BIRC6: variants seen among roughly 807,000 people sequenced by gnomAD.
BIRC6 encodes dual E2 ubiquitin-conjugating enzyme/E3 ubiquitin-protein ligase BIRC6.
BIRC6 carries 98 observed loss-of-function variants against 503.3 expected under a neutral mutation model. The observed-to-expected ratio is 0.19, with a 90% CI of 0.17 to 0.23. The LOEUF is 0.23. Among genes scored for constraint, BIRC6 ranks in the 10% least tolerant of loss-of-function variants. BIRC6 has a pLI of 1.00. For missense variants in BIRC6, 5,360 were observed against 5,806.0 expected (o/e 0.92, Z 2.50); for synonymous variants, 2,240 against 2,078.7 (o/e 1.08, Z -2.11).
intron 57 of BIRC6, among the ~76,000 whole-genome samples, chr2:32,521,365 CA>C (rs35410265): frequency 0.048 from 1,031 of 21,384 alleles, no homozygotes; most frequent in African/African-American, 0.11. Context: ...GACCTCATCT[CA>C]AAAAAAAAAA....
At chr2:32,426,258 C>G (rs759068044) in intron 10 of BIRC6, among the ~76,000 whole-genome samples, 1 of 152,164 alleles carries the variant, frequency 6.6e-6, no homozygotes, top group Non-Finnish European at 1.5e-5. Context: ...TATGTAGGAA[C>G]TTTGCTCTTG....
rs1418644461 is a variant in BIRC6 at position 32,505,148 on chromosome 2, C to G, written c.9643C>G (p.Pro3215Ala). Residue 3215 changes from proline to alanine, a missense_variant, in exon 50 of 74, where the codon CCT becomes GCT. By Grantham distance (27) the Pro-to-Ala change is conservative (BLOSUM62 -1). This residue lies in a region of BIRC6 where 267 missense variants were observed against 287.6 expected (regional missense o/e 0.93). Coordinates refer to ENST00000421745, the MANE Select transcript of BIRC6 (RefSeq NM_016252.4). The part of the protein sequence containing the change: ...EAWCDLTIHL[P>A]AAVLLKEIHI... ...TTGGTGTGACCTTACCATTCACCTT[C>G]CTGCAGCAGTGCTGCTTAAGGAGAT... The G allele has an allele frequency of 6.3e-7, 1 of 1,599,958 alleles. No homozygotes were observed. The highest frequency in any genetic ancestry group is 2.3e-5 in the East Asian group (1 of 44,330).
Position 32,419,621 on chromosome 2 carries a change from C to CA in BIRC6, c.2872+3464dup, listed in dbSNP as rs1385776762. On this transcript the variant is annotated intron_variant, in intron 10 of 73. Coordinates refer to ENST00000421745, the MANE Select transcript of BIRC6 (RefSeq NM_016252.4). ...GATAGGGTGCAGTTATGATACTTGA[C>CA]AAAAAATGCTTAAAAAATAAAGTTT... 3.3e-5 allele frequency among the ~76,000 whole-genome samples: 5 copies of CA among 151,848 alleles called. No homozygotes were observed. The South Asian group carries it at 1.0e-3, about 32-fold the overall frequency.
chr2:32,574,802 G>T, intron 65 of BIRC6: 2 of 305,962 alleles, frequency 6.5e-6, no homozygotes, highest in Non-Finnish European at 1.3e-5. Context: ...AGGCTGGAGT[G>T]CAATGGCATG....
Position 32,471,031 on chromosome 2 carries a change from A to G in BIRC6, c.6499A>G (p.Met2167Val), listed in dbSNP as rs747777790. Reference protein sequence around the residue: ...RRTEGVLDIPMISWVVMLVSR... With the variant: ...RRTEGVLDIPVISWVVMLVSR... ...CTCTCCAGGAGTACTAGATATTCCC[A>G]TGATCAGTTGGGTTGTTATGCTGGT... The change falls in exon 32 of 74, where the codon ATG becomes GTG. Residue 2167 changes from methionine (M) to valine (V), a missense_variant. Physicochemically the swap from Met to Val is conservative, Grantham distance 21. Around this residue, in one of 16 missense-constraint regions of BIRC6, gnomAD observed 2,299 missense variants for 2,267.2 expected, o/e 1.01. Coordinates refer to ENST00000421745, the MANE Select transcript of BIRC6 (RefSeq NM_016252.4). 3 of 1,574,558 alleles carry G rather than the reference A, an allele frequency of 1.9e-6. No individual in the cohort carries two copies. Among genetic ancestry groups the G allele is most frequent in the South Asian group, 2.3e-5 (2 of 85,806 alleles).
chr2:32,470,654 A>T (rs935247305), intron 31 of BIRC6, among the ~76,000 whole-genome samples: 7 of 152,130 alleles, frequency 4.6e-5, no homozygotes, highest in Non-Finnish European at 1.0e-4. Flanking sequence ...AAACATTAGA[A>T]CCTAGTTTAG....
At position 32,415,465 on chromosome 2, in the gene BIRC6, T is replaced by C; in HGVS notation, c.2174T>C (p.Phe725Ser). Residue 725 changes from phenylalanine to serine, a missense_variant, in exon 10 of 74, where the codon TTT becomes TCT. By Grantham distance (155) the Phe-to-Ser change is radical. Coordinates refer to ENST00000421745, the MANE Select transcript of BIRC6 (RefSeq NM_016252.4). ...TLVQCLRLPK[F>S]AEEENLCIDS... ...GTTCAGTGCTTGAGGCTGCCAAAGT[T>C]TGCAGAGGAGGAGAATCTTTGTATA... is the stretch of plus-strand genomic sequence containing the variant. 6.2e-7 allele frequency: 1 copy of C among 1,614,002 alleles called. No individual in the cohort carries two copies. The highest frequency in any genetic ancestry group is 8.5e-7 in the Non-Finnish European group (1 of 1,179,894).
chr2:32,357,140 T>G lies in BIRC6; in HGVS notation c.-22T>G, dbSNP rs1450703236. 2.7e-6 allele frequency: 4 copies of G among 1,469,746 alleles called. No homozygotes were observed. The highest frequency in any genetic ancestry group is 3.6e-6 in the Non-Finnish European group (4 of 1,125,500). 91.0% of individuals were successfully genotyped at this position (1,469,746 alleles called of 1,614,324 possible). ...CTGACTTCACTTCCGGCTAACGCGC[T>G]CGGCTTGCCCCCTGGCCCCGGATGG... is the stretch of plus-strand genomic sequence containing the variant. On this transcript the variant is annotated 5_prime_UTR_variant, in exon 1 of 74. Transcript: ENST00000421745. This position sits in a 1 kb window ranked among gnomAD's most constrained non-coding sequence, Gnocchi z 4.9.
At chr2:32,578,990 ACAC>A (rs745488901) in intron 66 of BIRC6, among the ~76,000 whole-genome samples, 22 of 52,750 alleles carry the variant, frequency 4.2e-4, no homozygotes, top group African/African-American at 5.6e-4. Flanking sequence ...ATATATATAT[ACAC>A]TTAATATATA....
chr2:32,357,606 C>G lies in BIRC6; in HGVS notation c.325+120C>G. 1 of 1,452,492 alleles carries G rather than the reference C, an allele frequency of 6.9e-7. No homozygotes were observed. Among genetic ancestry groups the G allele is most frequent in the Non-Finnish European group, 9.0e-7 (1 of 1,109,782 alleles). 90.0% of individuals were successfully genotyped at this position (1,452,492 alleles called of 1,614,324 possible). On this transcript the variant is annotated intron_variant, in intron 1 of 73. Transcript: ENST00000421745. The surrounding 1 kb of genome is among the most constrained non-coding windows in gnomAD (Gnocchi z 4.9). ...AGAGGGCAGGGCTGGGGGTTCGGGC[C>G]CAGCCGTGAAGGGAGGCCCGGAAGC... is the stretch of plus-strand genomic sequence containing the variant.
At chr2:32,461,379 TG>T (rs2047978184) in intron 23 of BIRC6, among the ~76,000 whole-genome samples, 1 of 150,416 alleles carries the variant, frequency 6.6e-6, no homozygotes, top group Non-Finnish European at 1.5e-5. Context: ...TGTGTGTGTG[TG>T]TGTTTAGTAG....
At chr2:32,528,870 C>CA (rs2056501755) in intron 59 of BIRC6, 1 of 151,766 alleles carries the variant, frequency 6.6e-6, no homozygotes, top group Non-Finnish European at 1.5e-5. Context: ...TGTGTATACA[C>CA]ACAAAAATAA....
At chr2:32,416,674 C>G in intron 10 of BIRC6, among the ~76,000 whole-genome samples, 1 of 151,978 alleles carries the variant, frequency 6.6e-6, no homozygotes, top group East Asian at 1.9e-4. Flanking sequence ...TATTCCTGAT[C>G]TTTGGCTAGT....
chr2:32,493,697 A>T, intron 45 of BIRC6, 30 bp downstream of exon 45: 1 of 1,507,124 alleles, frequency 6.6e-7, no homozygotes, highest in Non-Finnish European at 9.1e-7. Flanking sequence ...TTTGTTCCTG[A>T]TATAGAAGTA....
At chr2:32,416,951 T>C (rs1264751074) in intron 10 of BIRC6, among the ~76,000 whole-genome samples, 1 of 151,962 alleles carries the variant, frequency 6.6e-6, no homozygotes, top group Admixed American at 6.6e-5. Flanking sequence ...TTCTCCTGCC[T>C]CAGCCTCCCA....
chr2:32,360,544 T>C (rs2033904235), intron 1 of BIRC6, among the ~76,000 whole-genome samples: 1 of 152,188 alleles, frequency 6.6e-6, no homozygotes, highest in African/African-American at 2.4e-5. Context: ...TTTTCCTAAC[T>C]ACAGTAGTTT....
intron 61 of BIRC6, among the ~76,000 whole-genome samples, chr2:32,533,892 A>G (rs2056982951): frequency 6.6e-6 from 1 of 152,224 alleles, no homozygotes; most frequent in Non-Finnish European, 1.5e-5. Context: ...GTTCTGAGCC[A>G]CTGAGTTTGT....
At chr2:32,420,822 C>G (rs745538360) in intron 10 of BIRC6, among the ~76,000 whole-genome samples, 26 of 151,778 alleles carry the variant, frequency 1.7e-4, no homozygotes, top group Non-Finnish European at 2.6e-4. Flanking sequence ...CCTTACATTC[C>G]TTTTAATATT....
intron 51 of BIRC6, among the ~76,000 whole-genome samples, chr2:32,509,436 G>A (rs542683747): frequency 5.9e-5 from 9 of 152,124 alleles, no homozygotes; most frequent in Admixed American, 1.3e-4. Context: ...TGTATTTTTA[G>A]TAGATAAGGG....
Sources: gnomAD v4.1 joint callset for allele counts (sites outside exome capture counted in the v4.1 genomes callset) on GRCh38, gnomAD v4.1.1 for gene constraint, gnomAD v4.1.1 regional missense constraint, Gnocchi (gnomAD v3.1) non-coding constraint, MANE v1.5 for transcripts, NCBI Gene and HGNC (gene_info 2026-07-23, HGNC 2026-07-21) for gene names.